The following NOL4 variants were observed in gnomAD, a reference collection of about 807,000 sequenced individuals.
NOL4 encodes the protein cancer/testis antigen 125.
Under a neutral mutation model 75.9 loss-of-function variants are expected in NOL4, and 17 were observed. The observed-to-expected ratio is 0.22, with a 90% CI of 0.15 to 0.34. The LOEUF is 0.34. Ranked by LOEUF, NOL4 falls within the 10% of genes least tolerant of loss-of-function variation. The pLI is 1.00. For synonymous variants in NOL4, 292 were observed against 289.9 expected (o/e 1.01, Z -0.07); for missense variants, 614 against 793.5 (o/e 0.77, Z 2.72).
At chr18:34,161,950 T>C (rs2031544652) in intron 1 of NOL4, among the ~76,000 whole-genome samples, 1 of 152,132 alleles carries the variant, frequency 6.6e-6, no homozygotes. Context: ...GTAAAGGTAA[T>C]ATTTATTTAA....
In NOL4 at chr18:33,899,426, T is replaced by C. The variant is rs528038460; in HGVS notation, c.1543-16002A>G. ...CTCCAACTCTTTGTCTCTCAATGCA[T>C]TGGCTGTCATGCAGCAAGCAGAAAT... On this transcript the variant is annotated intron_variant, in intron 9 of 10. Coordinates refer to ENST00000261592, the MANE Select transcript of NOL4 (RefSeq NM_003787.5). 3.9e-5 allele frequency among the ~76,000 whole-genome samples: 6 copies of C among 152,256 alleles called. No individual in the cohort carries two copies. The East Asian group carries it at 1.2e-3, about 30-fold the overall frequency.
At chr18:33,908,998 T>G (rs2066231551) in intron 9 of NOL4, among the ~76,000 whole-genome samples, 2 of 152,188 alleles carry the variant, frequency 1.3e-5, no homozygotes, top group African/African-American at 4.8e-5. Context: ...CAAATATCAC[T>G]GTTGGCATAT....
intron 9 of NOL4, among the ~76,000 whole-genome samples, chr18:33,904,786 T>C (rs1053857639): frequency 6.6e-6 from 1 of 152,162 alleles, no homozygotes; most frequent in African/African-American, 2.4e-5. Context: ...AGAAACTTAC[T>C]GACTTTCTTA....
At chr18:33,957,578 C>G in intron 7 of NOL4, 61 bp from the exon 8 acceptor site, 1 of 1,304,562 alleles carries the variant, frequency 7.7e-7, no homozygotes, top group Non-Finnish European at 1.1e-6. Context: ...CTGTTCCTAG[C>G]TTCCTGTCTT....
chr18:34,149,552 G>A (rs374160965), intron 1 of NOL4, among the ~76,000 whole-genome samples: 2 of 151,606 alleles, frequency 1.3e-5, no homozygotes, highest in East Asian at 3.9e-4. Context: ...TTAATAGGAA[G>A]TAAACATGAA....
chr18:33,986,830 CTTTA>C (rs1568173685), intron 6 of NOL4, among the ~76,000 whole-genome samples: 1 of 152,076 alleles, frequency 6.6e-6, no homozygotes, highest in African/African-American at 2.4e-5. Context: ...TTTACAGCCA[CTTTA>C]TTTATAATTG....
intron 1 of NOL4, among the ~76,000 whole-genome samples, chr18:34,165,210 T>A (rs2032174236): frequency 6.6e-6 from 1 of 151,154 alleles, no homozygotes; most frequent in Non-Finnish European, 1.5e-5. Flanking sequence ...CTGCACATTG[T>A]GCACATGTAC....
intron 1 of NOL4, among the ~76,000 whole-genome samples, chr18:34,156,270 A>G (rs2030370874): frequency 6.6e-6 from 1 of 152,142 alleles, no homozygotes; most frequent in Non-Finnish European, 1.5e-5. Context: ...GCATTATTTA[A>G]TCCCCATAAT....
At chr18:34,089,812 G>A (rs2078421679) in intron 5 of NOL4, among the ~76,000 whole-genome samples, 1 of 152,188 alleles carries the variant, frequency 6.6e-6, no homozygotes, top group Non-Finnish European at 1.5e-5. Context: ...ATGCAATGCA[G>A]AGGACATCCC....
chr18:34,159,932 T>TCAGCTGGCCATATC (rs777537289), intron 1 of NOL4, among the ~76,000 whole-genome samples: 3 of 152,040 alleles, frequency 2.0e-5, no homozygotes, highest in Non-Finnish European at 4.4e-5. Flanking sequence ...GGTGGAGTTG[T>TCAGCTGGCCATATC]CAGCTGGCCA....
chr18:34,045,339 G>C (rs2076318519), intron 5 of NOL4, among the ~76,000 whole-genome samples: 1 of 151,790 alleles, frequency 6.6e-6, no homozygotes, highest in African/African-American at 2.4e-5. Flanking sequence ...ACTAGTTTAG[G>C]CTCTTAGTCC....
intron 1 of NOL4, among the ~76,000 whole-genome samples, chr18:34,141,807 G>C (rs1000885549): frequency 4.6e-5 from 7 of 151,694 alleles, no homozygotes; most frequent in Non-Finnish European, 8.8e-5. Flanking sequence ...CAAAAGCAAT[G>C]GCAACAAAAG....
intron 2 of NOL4, among the ~76,000 whole-genome samples, chr18:34,118,095 A>G (rs1411668350): frequency 6.6e-6 from 1 of 152,214 alleles, no homozygotes; most frequent in Non-Finnish European, 1.5e-5. Flanking sequence ...AGAGCAAACA[A>G]TAATTAATAT....
intron 6 of NOL4, among the ~76,000 whole-genome samples, chr18:33,973,962 T>C (rs2071284418): frequency 6.6e-6 from 1 of 152,200 alleles, no homozygotes; most frequent in South Asian, 2.1e-4. Flanking sequence ...CCTAACAAGA[T>C]AGTTAGCTTG....
rs150387864 is a variant in NOL4 at position 34,053,308 on chromosome 18, T to C, written c.773-33707A>G. 3.9e-3 allele frequency among the ~76,000 whole-genome samples: 596 copies of C among 151,782 alleles called. 3 individuals carry two copies. The highest frequency in any genetic ancestry group is 0.014 in the African/African-American group (576 of 41,468). On this transcript the variant is annotated intron_variant, in intron 5 of 10. Transcript: ENST00000261592. The stretch of plus-strand genomic sequence containing the variant: ...GACAAATGAGACAAACAGAAAACTG[T>C]TGAAAAAAAAATACAGTAGTGTTTG...
intron 1 of NOL4, among the ~76,000 whole-genome samples, chr18:34,138,456 G>C (rs944731189): frequency 2.0e-5 from 3 of 151,996 alleles, no homozygotes; most frequent in Admixed American, 6.6e-5. Context: ...TAGAACTGGG[G>C]AGGAGAAAAA....
chr18:34,211,894 A>G lies in NOL4; in HGVS notation c.264+11096T>C, dbSNP rs1365896937. On this transcript the variant is annotated intron_variant, in intron 1 of 10. Transcript: ENST00000261592. ...CAATTACTGCTATTTTTTATATTCT[A>G]TTCCCCAAATGTTAGGTAGATCTTC... is the stretch of plus-strand genomic sequence containing the variant. Among the ~76,000 whole-genome samples, 3 of 152,260 alleles carry G rather than the reference A, an allele frequency of 2.0e-5. No individual in the cohort carries two copies. The East Asian group carries it at 5.8e-4, about 29-fold the overall frequency.
chr18:34,125,918 T>G (rs768274383), intron 2 of NOL4, among the ~76,000 whole-genome samples: 2 of 150,486 alleles, frequency 1.3e-5, no homozygotes, highest in Non-Finnish European at 3.0e-5. Flanking sequence ...TGCTTTCTTA[T>G]AAACCCAAAC....
intron 6 of NOL4, among the ~76,000 whole-genome samples, chr18:33,991,815 A>G (rs1017236795): frequency 6.6e-6 from 1 of 152,084 alleles, no homozygotes; most frequent in Non-Finnish European, 1.5e-5. Context: ...GACAGAGCAG[A>G]GCATTTCTGT....
Sources: gnomAD v4.1 joint callset for allele counts (sites outside exome capture counted in the v4.1 genomes callset) on GRCh38, gnomAD v4.1.1 for gene constraint, MANE v1.5 for transcripts, NCBI Gene and HGNC (gene_info 2026-07-23, HGNC 2026-07-21) for gene names.